CXCR6: variants seen among roughly 807,000 people sequenced by gnomAD.
CXCR6 encodes the protein C-X-C motif chemokine receptor 6, also known as C-X-C chemokine receptor type 6.
Under a neutral mutation model 1.6 loss-of-function variants are expected in CXCR6, and 3 were observed. That is an observed-to-expected ratio of 1.83 (90% CI 0.83 to 4.72). The LOEUF (loss-of-function observed/expected upper bound fraction) is 4.72, where lower values mean the gene tolerates loss of function less well. Among genes scored for constraint, CXCR6 ranks in the 30% most tolerant of loss-of-function variants. The probability of loss-of-function intolerance (pLI) is 0.02; values close to 1 mark genes in which losing one functional copy is unlikely to be tolerated. For missense variants in CXCR6, 326 were observed against 414.8 expected (o/e 0.79, Z 1.86); for synonymous variants, 171 against 159.2 (o/e 1.07, Z -0.56).
At chr3:45,943,291 A>G (rs1704350760), upstream of CXCR6, among the ~76,000 whole-genome samples, 1 of 152,168 alleles carries the variant, frequency 6.6e-6, no homozygotes, top group Non-Finnish European at 1.5e-5. Context: ...AATCAGCCCC[A>G]AAGCAGAATG....
At chr3:45,940,946 C>T (rs949822773), upstream of CXCR6, 1 of 152,184 alleles carries the variant, frequency 6.6e-6, no homozygotes, top group Non-Finnish European at 1.5e-5. Context: ...AACCCCTGTA[C>T]GCGGTTTCCT....
At chr3:45,941,521 G>A (rs549204553), upstream of CXCR6, among the ~76,000 whole-genome samples, 2 of 152,340 alleles carry the variant, frequency 1.3e-5, no homozygotes, top group East Asian at 3.9e-4. Flanking sequence ...TTGGCAGATA[G>A]TAAACGGCAT....
intron 1 of CXCR6, chr3:45,945,987 C>G (rs1261593074): frequency 1.3e-5 from 2 of 156,526 alleles, no homozygotes; most frequent in Admixed American, 1.2e-4. Flanking sequence ...CTTTAGCTTT[C>G]ACAATTTATT....
At chr3:45,941,088 G>C (rs987747875), upstream of CXCR6, 1 of 152,252 alleles carries the variant, frequency 6.6e-6, no homozygotes, top group African/African-American at 2.4e-5. Context: ...TGCCGGCTAT[G>C]TTGCCCAGGC....
intron 1 of CXCR6, 142 bp from the exon 2 acceptor site, chr3:45,946,319 C>G: frequency 1.6e-6 from 1 of 620,654 alleles, no homozygotes; most frequent in Non-Finnish European, 2.8e-6. Context: ...CTTCAATATA[C>G]TGGACTGTGC....
At position 45,947,225 on chromosome 3, in the gene CXCR6, C is replaced by T. The variant is rs1221055000; in HGVS notation, c.744C>T (p.Asn248=). The T allele has an allele frequency of 1.2e-6, 2 of 1,614,198 alleles. No individual in the cohort carries two copies. The highest frequency in any genetic ancestry group is 1.7e-6 in the Non-Finnish European group (2 of 1,180,050). ...TCCTGCTGACCCAGATGCCCTTCAA[C>T]CTCATGAAGTTCATCCGCAGCACAC... ...AVFLLTQMPF[N]LMKFIRSTHW... Residue 248 remains asparagine, a synonymous_variant, in exon 2 of 2, where the codon AAC becomes AAT. Coordinates refer to ENST00000304552, the MANE Select transcript of CXCR6 (RefSeq NM_006564.2).
In CXCR6 at chr3:45,946,632, C is replaced by G. The variant is rs1423218793; in HGVS notation, c.151C>G (p.Leu51Val). 6.2e-7 allele frequency: 1 copy of G among 1,614,202 alleles called. No homozygotes were observed. Among genetic ancestry groups the G allele is most frequent in the South Asian group, 1.1e-5 (1 of 91,078 alleles). ...TGTCTGTGGTCTGGTGGGGAACTCT[C>G]TGGTGCTGGTCATATCCATCTTCTA... is the stretch of plus-strand genomic sequence containing the variant. ...VFVCGLVGNSLVLVISIFYHK... is the reference protein window; with the variant it reads ...VFVCGLVGNSVVLVISIFYHK... The change falls in exon 2 of 2, where the codon CTG becomes GTG. Residue 51 changes from leucine to valine, a missense_variant. Transcript: ENST00000304552.
rs765682408 is a variant in CXCR6, at chr3:45,946,874, G to C, written c.393G>C (p.Val131=). The C allele has an allele frequency of 6.2e-7, 1 of 1,614,218 alleles. No individual in the cohort carries two copies. The highest frequency in any genetic ancestry group is 1.7e-5 in the Admixed American group (1 of 60,030). ...TCITVDRFIV[V]VKATKAYNQQ... Reference sequence around the variant, plus strand: ...TCACTGTGGATCGTTTCATTGTAGTGGTTAAGGCCACCAAGGCCTACAACC... The same window carrying C: ...TCACTGTGGATCGTTTCATTGTAGTCGTTAAGGCCACCAAGGCCTACAACC... The change falls in exon 2 of 2, where the codon GTG becomes GTC. Residue 131 remains valine (V), a synonymous_variant. Coordinates refer to ENST00000304552, the MANE Select transcript of CXCR6 (RefSeq NM_006564.2).
rs1406177701 is a variant in CXCR6, at chr3:45,947,092, T to A, written c.611T>A (p.Leu204Gln). Residue 204 changes from leucine (L) to glutamine (Q), a missense_variant, in exon 2 of 2, where the codon CTG becomes CAG. Transcript: ENST00000304552. ...ATGACACTGGGGTTCTTCTTGCCAC[T>A]GCTCACCATGATTGTCTGCTATTCA... Reference protein sequence around the residue: ...TQMTLGFFLPLLTMIVCYSVI... With the variant: ...TQMTLGFFLPQLTMIVCYSVI... 3 of 1,614,158 alleles carry A rather than the reference T, an allele frequency of 1.9e-6. No homozygotes were observed. Among genetic ancestry groups the A allele is most frequent in the Non-Finnish European group, 2.5e-6 (3 of 1,180,056 alleles).
At chr3:45,945,309 G>A (rs1232417138) in intron 1 of CXCR6, 1 of 152,238 alleles carries the variant, frequency 6.6e-6, no homozygotes, top group Non-Finnish European at 1.5e-5. Flanking sequence ...ATGGCTCCAG[G>A]TCACTGGAAA....
upstream of CXCR6, among the ~76,000 whole-genome samples, chr3:45,941,671 T>C (rs1028796066): frequency 1.3e-5 from 2 of 152,210 alleles, no homozygotes; most frequent in African/African-American, 4.8e-5. Flanking sequence ...CTTTCTCAAA[T>C]ACACATATCC....
intron 1 of CXCR6, among the ~76,000 whole-genome samples, chr3:45,944,251 G>A (rs796133260): frequency 1.2e-4 from 18 of 152,086 alleles, no homozygotes; most frequent in African/African-American, 4.3e-4. Context: ...GAAAAGGTCT[G>A]CAGTTTTTAG....
chr3:45,943,696 C>T (rs1704386102), intron 1 of CXCR6, among the ~76,000 whole-genome samples, 156 bp downstream of exon 1: 1 of 152,168 alleles, frequency 6.6e-6, no homozygotes, highest in East Asian at 1.9e-4. Context: ...CCATCACTGC[C>T]ATTTGCTGCT....
intron 1 of CXCR6, among the ~76,000 whole-genome samples, chr3:45,944,589 G>A (rs1704462568): frequency 6.6e-6 from 1 of 152,014 alleles, no homozygotes; most frequent in Admixed American, 6.6e-5. Flanking sequence ...AGAAATGAAT[G>A]TTTTTAGTTC....
At chr3:45,941,333 T>C (rs1034967535), upstream of CXCR6, 6 of 152,190 alleles carry the variant, frequency 3.9e-5, no homozygotes, top group African/African-American at 1.4e-4. Context: ...ACTTCCAAGA[T>C]AAATCTGCAG....
rs765322154 is a variant in CXCR6, at chr3:45,947,847, G to A, written c.*337G>A. On this transcript the variant is annotated 3_prime_UTR_variant, in exon 2 of 2. Transcript: ENST00000304552. The stretch of plus-strand genomic sequence containing the variant: ...GGCTGAAGGTTGAAGAGGTGAGCAC[G>A]GCCAACAAAGCTGTTGATGGTAGGT... 1.4e-5 allele frequency: 4 copies of A among 278,206 alleles called. No homozygotes were observed. Among genetic ancestry groups the A allele is most frequent in the African/African-American group, 2.2e-5 (1 of 45,364 alleles). The allele number at this position is 278,206 out of a possible 1,614,324, so 17.2% of individuals were successfully genotyped here.
rs147079093 is a variant in CXCR6, at chr3:45,946,507, A to C, written c.26A>C (p.Asp9Ala). 121 of 1,613,930 alleles carry C rather than the reference A, an allele frequency of 7.5e-5. No homozygotes were observed. The highest frequency in any genetic ancestry group is 9.3e-5 in the Non-Finnish European group (110 of 1,179,936). Residue 9 changes from aspartate to alanine, a missense_variant, in exon 2 of 2, where the codon GAC becomes GCC. By Grantham distance (126) the Asp-to-Ala change is moderately radical. Transcript: ENST00000304552. MAEHDYHE[D>A]YGFSSFNDSS... ...ATGGCAGAGCATGATTACCATGAAG[A>C]CTATGGGTTCAGCAGTTTCAATGAC...
upstream of CXCR6, among the ~76,000 whole-genome samples, chr3:45,942,606 C>T (rs886207294): frequency 1.3e-5 from 2 of 152,192 alleles, no homozygotes; most frequent in African/African-American, 4.8e-5. Context: ...GTACCCTCTC[C>T]ACTACAAGGC....
At chr3:45,945,514 T>A (rs1704531658) in intron 1 of CXCR6, 1 of 152,264 alleles carries the variant, frequency 6.6e-6, no homozygotes, top group Admixed American at 6.5e-5. Context: ...GCTGGTGCCC[T>A]GGGTAAGAAA....
Sources: allele counts gnomAD v4.1 joint callset (sites outside exome capture counted in the v4.1 genomes callset), GRCh38; gene constraint gnomAD v4.1.1; transcripts MANE v1.5; gene names NCBI Gene and HGNC (gene_info 2026-07-23, HGNC 2026-07-21).